The following CPD variants were observed in gnomAD, a reference collection of about 807,000 sequenced individuals.
The protein encoded by CPD is metallocarboxypeptidase D.
In CPD, 69 loss-of-function variants were observed where a neutral mutation model predicts 138.3. The ratio of observed to expected loss-of-function variants is 0.50; its 90% CI spans 0.41 to 0.61. The LOEUF (loss-of-function observed/expected upper bound fraction) is 0.61. Among genes scored for constraint, CPD ranks in the 20% least tolerant of loss-of-function variants. CPD has a pLI of 0.00. For missense variants in CPD, 1,432 were observed against 1,733.3 expected (o/e 0.83, Z 3.09); for synonymous variants, 651 against 642.1 (o/e 1.01, Z -0.21).
intron 2 of CPD, among the ~76,000 whole-genome samples, chr17:30,388,191 G>A (rs956766877): frequency 2.0e-5 from 3 of 152,174 alleles, no homozygotes; most frequent in African/African-American, 4.8e-5. Flanking sequence ...AGTGTATGCC[G>A]ATTGGTTCAT....
intron 17 of CPD, among the ~76,000 whole-genome samples, chr17:30,457,724 G>A (rs774855545): frequency 6.6e-6 from 1 of 151,150 alleles, no homozygotes. Flanking sequence ...CAGTGGCTAT[G>A]GCTCCTTCGC....
In CPD at chr17:30,461,979, G is replaced by T; in HGVS notation, c.3733G>T (p.Gly1245Ter). The change falls in exon 19 of 21, where the codon GGA (glycine) becomes TGA (stop). Residue 1245 changes from glycine to a stop codon, truncating the protein, a stop_gained. Transcript: ENST00000225719. LOFTEE classifies it high-confidence loss of function. ...AGGAATAAAGGTACAAACAAAAGAG[G>T]GAGGTTATTTCCATGTACTCTTAGC... ...NEGIKVQTKE[G>*]GYFHVLLAPG... 1 of 1,613,876 alleles carries T rather than the reference G, an allele frequency of 6.2e-7. No homozygotes were observed. The highest frequency in any genetic ancestry group is 8.5e-7 in the Non-Finnish European group (1 of 1,179,878).
At chr17:30,423,060 C>A in intron 5 of CPD, 37 bp downstream of exon 5, 1 of 1,439,180 alleles carries the variant, frequency 6.9e-7, no homozygotes, top group Non-Finnish European at 9.6e-7. Context: ...TTCAGTAGTG[C>A]CCCTCAAAGC....
At chr17:30,412,771 A>C (rs1213840905) in intron 2 of CPD, among the ~76,000 whole-genome samples, 1 of 152,128 alleles carries the variant, frequency 6.6e-6, no homozygotes, top group East Asian at 1.9e-4. Context: ...CTGTTTTTCC[A>C]GGTACAGTCT....
intron 4 of CPD, 54 bp downstream of exon 4, chr17:30,421,887 T>C (rs907646763): frequency 2.2e-6 from 3 of 1,343,710 alleles, no homozygotes; most frequent in African/African-American, 2.9e-5. Context: ...CTCTGTTTTA[T>C]ATCTGAGACA....
chr17:30,449,475 C>A, intron 12 of CPD, 78 bp from the exon 13 acceptor site: 9 of 1,296,390 alleles, frequency 6.9e-6, no homozygotes, highest in Non-Finnish European at 9.5e-6. Flanking sequence ...GTTTTCATTT[C>A]TATTTTTAAA....
At chr17:30,390,204 A>G (rs1911314511) in intron 2 of CPD, among the ~76,000 whole-genome samples, 1 of 152,016 alleles carries the variant, frequency 6.6e-6, no homozygotes, top group Admixed American at 6.6e-5. Flanking sequence ...TTAAGTAGAG[A>G]CAGGGTTTTA....
At chr17:30,434,569 G>A (rs1053478325) in intron 8 of CPD, among the ~76,000 whole-genome samples, 5 of 152,162 alleles carry the variant, frequency 3.3e-5, no homozygotes, top group African/African-American at 1.2e-4. Flanking sequence ...GATCTGGTGT[G>A]ATTTAATGGG....
In CPD at chr17:30,468,877, T is replaced by C. The variant is rs554095094; in HGVS notation, c.*4063T>C. On this transcript the variant is annotated 3_prime_UTR_variant, in exon 21 of 21. Coordinates refer to ENST00000225719, the MANE Select transcript of CPD (RefSeq NM_001304.5). ...TTGACTCAAAAGAAAGCTTTGTTTC[T>C]GAAATCGCATTATGTAGTAGCCACA... The C allele has an allele frequency of 6.6e-6, 1 of 152,222 alleles. No homozygotes were observed. Among genetic ancestry groups the C allele is most frequent in the Non-Finnish European group, 1.5e-5 (1 of 68,028 alleles). The allele number at this position is 152,222 out of a possible 1,614,324, so 9.4% of individuals were successfully genotyped here.
At chr17:30,427,122 C>T (rs996618662) in intron 6 of CPD, among the ~76,000 whole-genome samples, 4 of 149,812 alleles carry the variant, frequency 2.7e-5, no homozygotes, top group Non-Finnish European at 5.9e-5. Flanking sequence ...ATGGTGGTTG[C>T]AGTGAGCTGA....
At position 30,379,343 on chromosome 17, in the gene CPD, T is replaced by C; in HGVS notation, c.363T>C (p.Ala121=). 1 of 1,494,804 alleles carries C rather than the reference T, an allele frequency of 6.7e-7. No individual in the cohort carries two copies. Among genetic ancestry groups the C allele is most frequent in the Non-Finnish European group, 8.9e-7 (1 of 1,129,648 alleles). The allele number at this position is 1,494,804 out of a possible 1,614,324, so 92.6% of individuals were successfully genotyped here. A position where few individuals can be genotyped will look rare whatever the true frequency, so the allele number is the denominator to read the frequency against. ...DAGPDAAGPD[A]AGPLLPGRPQ... is the part of the protein sequence containing the mutation. Reference sequence around the variant, plus strand: ...GGCCTGACGCTGCCGGGCCCGACGCTGCGGGGCCGCTGCTGCCCGGCCGGC... The same window carrying C: ...GGCCTGACGCTGCCGGGCCCGACGCCGCGGGGCCGCTGCTGCCCGGCCGGC... Residue 121 remains alanine (A), a synonymous_variant, in exon 1 of 21, where the codon GCT becomes GCC. Transcript: ENST00000225719. This position sits in a 1 kb window ranked among gnomAD's most constrained non-coding sequence, Gnocchi z 7.0.
At chr17:30,401,515 G>C (rs1459107811) in intron 2 of CPD, among the ~76,000 whole-genome samples, 1 of 150,492 alleles carries the variant, frequency 6.6e-6, no homozygotes, top group East Asian at 1.9e-4. Context: ...ACAGAGTTTG[G>C]CTGTGTTTCC....
In CPD at chr17:30,427,530, A is replaced by T. The variant is rs1268874563; in HGVS notation, c.1989A>T (p.Pro663=). 1.2e-6 allele frequency: 2 copies of T among 1,614,082 alleles called. No individual in the cohort carries two copies. Among genetic ancestry groups the T allele is most frequent in the Non-Finnish European group, 1.7e-6 (2 of 1,179,962 alleles). Residue 663 remains proline (P), a synonymous_variant, in exon 7 of 21, where the codon CCA becomes CCT. Coordinates refer to ENST00000225719, the MANE Select transcript of CPD (RefSeq NM_001304.5). Reference sequence around the variant, plus strand: ...TAATGAGCTGGATGAAGTCCTATCCATTTGTACTTTCAGCAAACCTGCATG... The same window carrying T: ...TAATGAGCTGGATGAAGTCCTATCCTTTTGTACTTTCAGCAAACCTGCATG... The part of the protein sequence containing the change: ...IAVMSWMKSY[P]FVLSANLHGG...
chr17:30,387,174 G>A lies in CPD; in HGVS notation c.994+1938G>A, dbSNP rs181852544. Among the ~76,000 whole-genome samples, 287 of 152,254 alleles carry A rather than the reference G, an allele frequency of 1.9e-3. 4 individuals carry two copies. Among genetic ancestry groups the A allele is most frequent in the Non-Finnish European group, 4.1e-4 (28 of 68,032 alleles). Reference sequence around the variant, plus strand: ...CTCTTGTTGCCCAGGCTGGAGTATAGTGGCATGATCTTGGCTCACTGTAAC... The same window carrying A: ...CTCTTGTTGCCCAGGCTGGAGTATAATGGCATGATCTTGGCTCACTGTAAC... On this transcript the variant is annotated intron_variant, in intron 2 of 20. Coordinates refer to ENST00000225719, the MANE Select transcript of CPD (RefSeq NM_001304.5).
chr17:30,445,456 C>A (rs554068635), intron 11 of CPD, among the ~76,000 whole-genome samples: 1 of 152,160 alleles, frequency 6.6e-6, no homozygotes, highest in South Asian at 2.1e-4. Context: ...CAGAGCAAGA[C>A]TCCATCTTAA....
chr17:30,461,137 C>A, intron 17 of CPD, 43 bp from the exon 18 acceptor site: 1 of 1,481,870 alleles, frequency 6.7e-7, no homozygotes, highest in Non-Finnish European at 9.1e-7. Context: ...CTTTCTTTTA[C>A]TTATTAATTT....
In CPD at chr17:30,465,966, C is replaced by T. The variant is rs1320006923; in HGVS notation, c.*1152C>T. The T allele has an allele frequency of 6.6e-6, 1 of 152,218 alleles. No homozygotes were observed. Among genetic ancestry groups the T allele is most frequent in the African/African-American group, 2.4e-5 (1 of 41,384 alleles). The allele number at this position is 152,218 out of a possible 1,614,324, so 9.4% of individuals were successfully genotyped here. On this transcript the variant is annotated 3_prime_UTR_variant, in exon 21 of 21. Coordinates refer to ENST00000225719, the MANE Select transcript of CPD (RefSeq NM_001304.5). ...CATTTGACGGTCTCTTTTTGATCAACCAATTTTTCTAAAAGTTCAGTCGAA... is the reference window on the plus strand; with the variant it reads ...CATTTGACGGTCTCTTTTTGATCAATCAATTTTTCTAAAAGTTCAGTCGAA...
At chr17:30,459,473 T>C (rs1913408685) in intron 17 of CPD, among the ~76,000 whole-genome samples, 1 of 151,390 alleles carries the variant, frequency 6.6e-6, no homozygotes, top group Admixed American at 6.6e-5. Context: ...ACATGCGGTG[T>C]TTGGTTTTTT....
In CPD at chr17:30,442,435, C is replaced by A; in HGVS notation, c.2358C>A (p.Ile786=). Residue 786 remains isoleucine, a synonymous_variant, in exon 10 of 21, where the codon ATC becomes ATA. Transcript: ENST00000225719. ...NFWEQNRRSL[I]QFMKQVHQGV... ...GGGAACAGAATCGAAGATCACTAAT[C>A]CAGTTTATGAAACAGGTGACTATTC... The A allele has an allele frequency of 6.2e-7, 1 of 1,613,132 alleles. No individual in the cohort carries two copies. Among genetic ancestry groups the A allele is most frequent in the African/African-American group, 1.3e-5 (1 of 74,984 alleles).
Sources: gnomAD v4.1 joint callset for allele counts (sites outside exome capture counted in the v4.1 genomes callset) on GRCh38, gnomAD v4.1.1 for gene constraint, Gnocchi (gnomAD v3.1) non-coding constraint, MANE v1.5 for transcripts, NCBI Gene and HGNC (gene_info 2026-07-23, HGNC 2026-07-21) for gene names.